The following KLF12 variants were observed in gnomAD, a reference collection of about 807,000 sequenced individuals.
KLF12 encodes KLF transcription factor 12.
A neutral mutation model predicts 37.8 loss-of-function variants in KLF12; 9 were observed. The observed-to-expected ratio is 0.24, with a 90% confidence interval of 0.14 to 0.42. The LOEUF (loss-of-function observed/expected upper bound fraction) is 0.42, where lower values mean the gene tolerates loss of function less well. KLF12 is among the 10% of genes least tolerant of loss of function. The probability of loss-of-function intolerance (pLI) is 1.00; values close to 1 mark genes in which losing one functional copy is unlikely to be tolerated. For synonymous variants in KLF12, 208 were observed against 202.1 expected, an observed-to-expected ratio of 1.03 and a Z score of -0.25; for missense variants, 411 against 516.0, an observed-to-expected ratio of 0.80 and a Z score of 1.97.
At position 73,901,170 on chromosome 13, in the gene KLF12, A is replaced by G. The variant is rs139224146; in HGVS notation, c.123+42811T>C. 4.5e-3 allele frequency among the ~76,000 whole-genome samples: 685 copies of G among 152,306 alleles called. 7 individuals carry two copies. Among genetic ancestry groups the G allele is most frequent in the African/African-American group, 0.015 (640 of 41,562 alleles). ...ATCCACATTCAGCAAACATCCTACA[A>G]TTAGCTACGACTTCACCTACAGAGA... On this transcript the variant is annotated intron_variant, in intron 3 of 7. Coordinates refer to ENST00000377669, the MANE Select transcript of KLF12 (RefSeq NM_007249.5).
At chr13:73,947,648 C>A (rs76443242) in intron 2 of KLF12, among the ~76,000 whole-genome samples, 244 of 85,876 alleles carry the variant, frequency 2.8e-3, no homozygotes, top group Middle Eastern at 6.3e-3. Flanking sequence ...GAGACGGTCT[C>A]AAAAAAAAAA....
At chr13:73,910,838 T>C (rs1888532268) in intron 3 of KLF12, among the ~76,000 whole-genome samples, 1 of 152,174 alleles carries the variant, frequency 6.6e-6, no homozygotes, top group Non-Finnish European at 1.5e-5. Context: ...AATTGAATAA[T>C]TAATGAGTTA....
At chr13:73,731,536 CAAAA>C (rs66701744) in intron 6 of KLF12, among the ~76,000 whole-genome samples, 2 of 103,528 alleles carry the variant, frequency 1.9e-5, no homozygotes, top group African/African-American at 7.5e-5. Context: ...GGAAATTAGA[CAAAA>C]AAAAAAAAAA....
At chr13:74,149,499 C>T in the KLF12 span, among the ~76,000 whole-genome samples, 82 of 152,180 alleles carry the variant, frequency 5.4e-4, no homozygotes, top group Non-Finnish European at 9.0e-4. Flanking sequence ...TTCTTACCTT[C>T]AAATTATATC....
At chr13:73,882,029 C>T (rs1412268445) in intron 3 of KLF12, among the ~76,000 whole-genome samples, 1 of 152,134 alleles carries the variant, frequency 6.6e-6, no homozygotes, top group Non-Finnish European at 1.5e-5. Context: ...AAACTAAGGG[C>T]TTGTAAAACG....
At chr13:73,890,893 T>C (rs1887474893) in intron 3 of KLF12, among the ~76,000 whole-genome samples, 1 of 152,090 alleles carries the variant, frequency 6.6e-6, no homozygotes, top group South Asian at 2.1e-4. Context: ...ACTGGAGCCC[T>C]TGTGGTATTT....
intron 1 of KLF12, among the ~76,000 whole-genome samples, chr13:74,124,003 T>TTTG (rs200255618): frequency 3.3e-5 from 5 of 152,142 alleles, no homozygotes; most frequent in African/African-American, 4.8e-5. Context: ...CAAAGCAATT[T>TTTG]TTGTTGTTGT....
chr13:73,963,294 C>T (rs967321156), intron 2 of KLF12, among the ~76,000 whole-genome samples: 107 of 141,132 alleles, frequency 7.6e-4, no homozygotes, highest in African/African-American at 2.9e-3. Flanking sequence ...TACACACACA[C>T]ACACACACAC....
chr13:73,797,300 C>G (rs1287484073), intron 5 of KLF12, among the ~76,000 whole-genome samples: 1 of 152,192 alleles, frequency 6.6e-6, no homozygotes, highest in East Asian at 1.9e-4. Flanking sequence ...ATTATTGTAT[C>G]AAACTCCTTC....
intron 2 of KLF12, among the ~76,000 whole-genome samples, chr13:73,958,134 T>C (rs1890902900): frequency 6.6e-6 from 1 of 152,200 alleles, no homozygotes; most frequent in Non-Finnish European, 1.5e-5. Context: ...GCAAAAAGCA[T>C]ATTGGATTTT....
chr13:73,986,171 C>T (rs1439658063), intron 2 of KLF12, among the ~76,000 whole-genome samples: 1 of 152,184 alleles, frequency 6.6e-6, no homozygotes, highest in Non-Finnish European at 1.5e-5. Flanking sequence ...CTGATGAATT[C>T]TAAAAGTAGT....
intron 1 of KLF12, among the ~76,000 whole-genome samples, chr13:74,069,215 A>G (rs889754689): frequency 2.6e-5 from 4 of 152,196 alleles, no homozygotes; most frequent in Admixed American, 1.3e-4. Flanking sequence ...AATGAAAAAT[A>G]TAGTACTAGA....
chr13:73,969,511 CCTT>C (rs1165109902), intron 2 of KLF12, among the ~76,000 whole-genome samples: 16 of 152,170 alleles, frequency 1.1e-4, no homozygotes, highest in Admixed American at 1.0e-3. Flanking sequence ...AGGATAAACT[CCTT>C]CTTTAGTGAC....
Position 73,765,208 on chromosome 13 carries a change from A to C in KLF12, c.807-208T>G, listed in dbSNP as rs892343949. Among the ~76,000 whole-genome samples, 64 of 152,106 alleles carry C rather than the reference A, an allele frequency of 4.2e-4. 2 individuals carry two copies. Among genetic ancestry groups the C allele is most frequent in the Non-Finnish European group, 4.4e-5 (3 of 68,018 alleles). On this transcript the variant is annotated intron_variant, in intron 5 of 7. Transcript: ENST00000377669. ...TTTCCTTCTTAACCACTCTCAAGAC[A>C]ACAGGTCTGTCATAATGTTCACTCT...
chr13:74,185,939 C>T, the KLF12 span, among the ~76,000 whole-genome samples: 1 of 152,136 alleles, frequency 6.6e-6, no homozygotes, highest in Non-Finnish European at 1.5e-5. Context: ...CCACTGCGAC[C>T]GGCCAAGACT....
chr13:73,960,321 A>AT (rs1890981986), intron 2 of KLF12: 2 of 270,660 alleles, frequency 7.4e-6, no homozygotes, highest in Non-Finnish European at 1.6e-5. Flanking sequence ...TGCTAAAATG[A>AT]TAAACACTCA....
At position 73,828,695 on chromosome 13, in the gene KLF12, C is replaced by T. The variant is rs116610955; in HGVS notation, c.671-15408G>A. ...TACCATGTTAAATCCCATCTACTTC[C>T]AAGTTTCCTATGCTTCCCTGTAGAG... is the stretch of plus-strand genomic sequence containing the variant. On this transcript the variant is annotated intron_variant, in intron 4 of 7. Coordinates refer to ENST00000377669, the MANE Select transcript of KLF12 (RefSeq NM_007249.5). Among the ~76,000 whole-genome samples, 534 of 152,300 alleles carry T rather than the reference C, an allele frequency of 3.5e-3. 4 individuals are homozygous for T. Among genetic ancestry groups the T allele is most frequent in the African/African-American group, 0.013 (524 of 41,574 alleles).
chr13:73,711,676 G>A (rs1239126640), intron 7 of KLF12, among the ~76,000 whole-genome samples: 1 of 152,214 alleles, frequency 6.6e-6, no homozygotes, highest in African/African-American at 2.4e-5. Flanking sequence ...TCACCCTAGA[G>A]CTCTGATGAG....
chr13:74,214,420 T>A, the KLF12 span, among the ~76,000 whole-genome samples: 2 of 152,342 alleles, frequency 1.3e-5, no homozygotes, highest in East Asian at 3.9e-4. Flanking sequence ...TTAGTTAACA[T>A]CCTCGTTGTT....
Sources: gnomAD v4.1 joint callset for allele counts (sites outside exome capture counted in the v4.1 genomes callset) on GRCh38, gnomAD v4.1.1 for gene constraint, MANE v1.5 for transcripts, NCBI Gene and HGNC (gene_info 2026-07-23, HGNC 2026-07-21) for gene names.